Variants in PITPNC1 observed in about 807,000 individuals in gnomAD.
PITPNC1 encodes the protein cytoplasmic phosphatidylinositol transfer protein 1.
In PITPNC1, 18 loss-of-function variants were observed where a neutral mutation model predicts 44.7. That is an observed-to-expected ratio of 0.40 (90% CI 0.28 to 0.60). The LOEUF is 0.60. Ranked by LOEUF, PITPNC1 falls within the 20% of genes least tolerant of loss-of-function variation. The pLI is 0.39. For missense variants in PITPNC1, 290 were observed against 418.4 expected, an observed-to-expected ratio of 0.69 and a Z score of 2.68; for synonymous variants, 141 against 149.6, an observed-to-expected ratio of 0.94 and a Z score of 0.42.
chr17:67,575,965 G>T (rs1598841626), intron 4 of PITPNC1, among the ~76,000 whole-genome samples: 2 of 137,758 alleles, frequency 1.5e-5, no homozygotes, highest in East Asian at 4.5e-4. Context: ...CAACCTCCAC[G>T]TCCCAGGTTC....
chr17:67,386,016 T>C (rs1438813003), intron 1 of PITPNC1, among the ~76,000 whole-genome samples: 1 of 152,178 alleles, frequency 6.6e-6, no homozygotes, highest in Admixed American at 6.5e-5. Flanking sequence ...TTGCTTTTTC[T>C]TATTGTGATA....
At chr17:67,670,411 C>T (rs540042970) in intron 7 of PITPNC1, among the ~76,000 whole-genome samples, 11 of 152,180 alleles carry the variant, frequency 7.2e-5, no homozygotes, top group Non-Finnish European at 1.2e-4. Context: ...CCAATAGTCC[C>T]ATTAGACAGT....
At chr17:67,459,220 C>T (rs182064438) in intron 1 of PITPNC1, among the ~76,000 whole-genome samples, 93 of 148,494 alleles carry the variant, frequency 6.3e-4, no homozygotes, top group African/African-American at 2.0e-3. Flanking sequence ...CAGGTTCAAG[C>T]GATTCTCCTG....
intron 1 of PITPNC1, among the ~76,000 whole-genome samples, chr17:67,448,723 T>A (rs564791948): frequency 6.6e-6 from 1 of 152,302 alleles, no homozygotes; most frequent in Admixed American, 6.5e-5. Context: ...AAAATCACCA[T>A]ACTTACCTAG....
At chr17:67,528,523 T>A (rs1415760617) in intron 1 of PITPNC1, among the ~76,000 whole-genome samples, 1 of 152,218 alleles carries the variant, frequency 6.6e-6, no homozygotes, top group African/African-American at 2.4e-5. Flanking sequence ...TTATTCAACA[T>A]ACAAGTTTGT....
chr17:67,533,023 G>A (rs933227875), intron 2 of PITPNC1, 73 bp downstream of exon 2: 1 of 1,212,644 alleles, frequency 8.2e-7, no homozygotes, highest in South Asian at 1.4e-5. Flanking sequence ...AGTGGAGGCA[G>A]TGGGTGTCTG....
At chr17:67,579,740 A>G (rs961279971) in intron 5 of PITPNC1, among the ~76,000 whole-genome samples, 6 of 149,472 alleles carry the variant, frequency 4.0e-5, no homozygotes, top group Non-Finnish European at 4.4e-5. Context: ...GGGGTTCAAG[A>G]CCAGCCTGGG....
At chr17:67,420,817 T>C (rs1416999920) in intron 1 of PITPNC1, among the ~76,000 whole-genome samples, 1 of 152,218 alleles carries the variant, frequency 6.6e-6, no homozygotes, top group African/African-American at 2.4e-5. Flanking sequence ...ACTTAGTGTT[T>C]TGGCACTCAG....
intron 5 of PITPNC1, among the ~76,000 whole-genome samples, chr17:67,616,282 AG>A (rs2041756590): frequency 6.6e-6 from 1 of 152,110 alleles, no homozygotes; most frequent in Non-Finnish European, 1.5e-5. Flanking sequence ...CTGGGATTAC[AG>A]GGGTGCACTA....
At chr17:67,640,554 C>T (rs1402671886) in intron 6 of PITPNC1, among the ~76,000 whole-genome samples, 1 of 151,698 alleles carries the variant, frequency 6.6e-6, no homozygotes, top group Non-Finnish European at 1.5e-5. Flanking sequence ...GTGGCGGGCA[C>T]CTGTAATCCC....
At chr17:67,680,169 A>G (rs1269618626) in intron 8 of PITPNC1, among the ~76,000 whole-genome samples, 1 of 152,178 alleles carries the variant, frequency 6.6e-6, no homozygotes, top group Non-Finnish European at 1.5e-5. Flanking sequence ...AGATTTTCCA[A>G]CGCAACATTT....
Position 67,444,513 on chromosome 17 carries a change from G to A in PITPNC1, c.48+66311G>A, listed in dbSNP as rs546346170. On this transcript the variant is annotated intron_variant, in intron 1 of 8. Coordinates refer to ENST00000581322, the MANE Select transcript of PITPNC1 (RefSeq NM_012417.4). ...ATGGGACAGACTGGAGACTCTTTTA[G>A]TTTTATGTAATGCAAGGGCTAAGGA... Among the ~76,000 whole-genome samples the A allele has an allele frequency of 1.4e-3, 211 of 152,204 alleles. 2 individuals carry two copies. Among genetic ancestry groups the A allele is most frequent in the Middle Eastern group, 6.8e-3 (2 of 294 alleles).
At chr17:67,448,874 C>T (rs1382810146) in intron 1 of PITPNC1, among the ~76,000 whole-genome samples, 1 of 152,208 alleles carries the variant, frequency 6.6e-6, no homozygotes, top group Non-Finnish European at 1.5e-5. Context: ...TCAAGTGGTT[C>T]TCCTGCCTCA....
Position 67,409,261 on chromosome 17 carries a change from T to C in PITPNC1, c.48+31059T>C, listed in dbSNP as rs1055897556. Among the ~76,000 whole-genome samples, 15 of 150,392 alleles carry C rather than the reference T, an allele frequency of 1.0e-4. 1 individual carries two copies. Among genetic ancestry groups the C allele is most frequent in the Admixed American group, 2.6e-4 (4 of 15,100 alleles). The stretch of plus-strand genomic sequence containing the variant: ...CACCGCGCCCGGCTAATTTTTTGTA[T>C]TTTTAGTAGAGACGGGGTTTCACCT... On this transcript the variant is annotated intron_variant, in intron 1 of 8. Coordinates refer to ENST00000581322, the MANE Select transcript of PITPNC1 (RefSeq NM_012417.4).
chr17:67,677,010 CCTGT>C (rs1280129309), intron 8 of PITPNC1, among the ~76,000 whole-genome samples: 2 of 152,064 alleles, frequency 1.3e-5, no homozygotes, highest in African/African-American at 2.4e-5. Context: ...CTCCCAGAGA[CCTGT>C]CTATTTCTAG....
chr17:67,663,183 C>G (rs940673910), intron 6 of PITPNC1, among the ~76,000 whole-genome samples: 1 of 152,172 alleles, frequency 6.6e-6, no homozygotes, highest in Non-Finnish European at 1.5e-5. Flanking sequence ...TGTTGTGTAT[C>G]TGATACAGGC....
chr17:67,624,166 G>A (rs2041866481), intron 5 of PITPNC1, among the ~76,000 whole-genome samples: 1 of 150,192 alleles, frequency 6.7e-6, no homozygotes, highest in Non-Finnish European at 1.5e-5. Context: ...AAATATTTGT[G>A]CGTAAGTCTT....
chr17:67,608,568 G>A (rs1008619379), intron 5 of PITPNC1, among the ~76,000 whole-genome samples: 2 of 148,798 alleles, frequency 1.3e-5, no homozygotes, highest in African/African-American at 5.0e-5. Context: ...TGAGCTCACT[G>A]CAACCTCCAC....
At chr17:67,590,947 CTG>C (rs2041382687) in intron 5 of PITPNC1, among the ~76,000 whole-genome samples, 3 of 149,150 alleles carry the variant, frequency 2.0e-5, no homozygotes, top group Non-Finnish European at 4.4e-5. Flanking sequence ...GAGCGAAACT[CTG>C]TCTCAAAAAA....
Sources: allele counts gnomAD v4.1 joint callset (sites outside exome capture counted in the v4.1 genomes callset), GRCh38; gene constraint gnomAD v4.1.1; transcripts MANE v1.5; gene names NCBI Gene and HGNC (gene_info 2026-07-23, HGNC 2026-07-21).